The following CELF2 variants were observed in gnomAD, a reference collection of about 807,000 sequenced individuals.
CELF2 encodes the protein CUG triplet repeat RNA-binding protein 2.
A neutral mutation model predicts 62.6 loss-of-function variants in CELF2; 8 were observed. The observed-to-expected ratio is 0.13, with a 90% CI of 0.07 to 0.23. The LOEUF (loss-of-function observed/expected upper bound fraction) is 0.23, where lower values mean the gene tolerates loss of function less well. Ranked by LOEUF, CELF2 falls within the 10% of genes least tolerant of loss-of-function variation. The pLI is 1.00. For synonymous variants in CELF2, 258 were observed against 250.0 expected (o/e 1.03, Z -0.30); for missense variants, 333 against 671.0 (o/e 0.50, Z 5.56).
intron 3 of CELF2, among the ~76,000 whole-genome samples, chr10:11,225,604 G>A (rs575786132): frequency 6.6e-6 from 1 of 152,304 alleles, no homozygotes; most frequent in Admixed American, 6.5e-5. Context: ...CTCTGGTTGA[G>A]AACCAACAGG....
chr10:11,287,168 T>G (rs775122662), intron 8 of CELF2, among the ~76,000 whole-genome samples: 2 of 152,206 alleles, frequency 1.3e-5, no homozygotes, highest in Non-Finnish European at 2.9e-5. Context: ...AGACTGAATT[T>G]GCTCCGTAGA....
intron 1 of CELF2, among the ~76,000 whole-genome samples, chr10:11,027,222 C>T (rs376192265): frequency 9.2e-5 from 14 of 152,296 alleles, no homozygotes; most frequent in South Asian, 8.3e-4. Flanking sequence ...ATTAAGCCAT[C>T]CTTACATTGC....
At chr10:10,741,003 A>C in the CELF2 span, among the ~76,000 whole-genome samples, 1 of 152,330 alleles carries the variant, frequency 6.6e-6, no homozygotes, top group Admixed American at 6.5e-5. Flanking sequence ...CTAGGGATCT[A>C]ATACACAGCA....
chr10:10,689,668 C>T, the CELF2 span, among the ~76,000 whole-genome samples: 3 of 152,140 alleles, frequency 2.0e-5, no homozygotes, highest in Non-Finnish European at 4.4e-5. Context: ...ATTCAAATCA[C>T]ATGAACCAAA....
At chr10:10,864,386 C>A (rs1485032069) in intron 1 of CELF2, among the ~76,000 whole-genome samples, 1 of 152,188 alleles carries the variant, frequency 6.6e-6, no homozygotes, top group Admixed American at 6.5e-5. Context: ...CCACTCTTGA[C>A]TGAGCTCTCT....
At chr10:11,137,142 G>C (rs1227126003) in intron 1 of CELF2, among the ~76,000 whole-genome samples, 1 of 152,176 alleles carries the variant, frequency 6.6e-6, no homozygotes, top group Non-Finnish European at 1.5e-5. Context: ...AATACAATGT[G>C]ATATCAGAAT....
the CELF2 span, among the ~76,000 whole-genome samples, chr10:10,657,384 A>G: frequency 1.6e-5 from 2 of 121,560 alleles, no homozygotes; most frequent in Admixed American, 1.6e-4. Context: ...AAGTATATAT[A>G]TTTAAAAGTA....
the CELF2 span, among the ~76,000 whole-genome samples, chr10:10,689,675 C>A: frequency 6.6e-6 from 1 of 152,104 alleles, no homozygotes; most frequent in Non-Finnish European, 1.5e-5. Context: ...TCACATGAAC[C>A]AAAACAGATT....
chr10:11,270,704 T>G lies in CELF2; in HGVS notation c.657T>G (p.Thr219=). 6.4e-7 allele frequency: 1 copy of G among 1,551,960 alleles called. No individual in the cohort carries two copies. Among genetic ancestry groups the G allele is most frequent in the Non-Finnish European group, 8.7e-7 (1 of 1,145,570 alleles). The change falls in exon 7 of 13, where the codon ACT becomes ACG. Residue 219 remains threonine, a synonymous_variant. Transcript: ENST00000633077. This position sits in a 1 kb window ranked among gnomAD's most constrained non-coding sequence, Gnocchi z 5.8. Reference sequence around the variant, plus strand: ...CTATCGTGGTGAAGTTTGCTGACACTCAGAAGGACAAAGAGCAAAGGCGCC... The same window carrying G: ...CTATCGTGGTGAAGTTTGCTGACACGCAGAAGGACAAAGAGCAAAGGCGCC... The part of the protein sequence containing the change: ...SSPIVVKFAD[T]QKDKEQRRLQ...
Position 11,213,448 on chromosome 10 carries a change from A to G in CELF2, c.272-3977A>G, listed in dbSNP as rs75772553. Among the ~76,000 whole-genome samples, 241 of 152,346 alleles carry G rather than the reference A, an allele frequency of 1.6e-3. 2 individuals are homozygous for G. Among genetic ancestry groups the G allele is most frequent in the African/African-American group, 4.8e-3 (201 of 41,568 alleles). On this transcript the variant is annotated intron_variant, in intron 2 of 12. Transcript: ENST00000633077. ...GCTGTATATTTGGTTAGGGCTGACAAGAAAGAAAATTTCATCCTTGTTGAG... is the reference window on the plus strand; with the variant it reads ...GCTGTATATTTGGTTAGGGCTGACAGGAAAGAAAATTTCATCCTTGTTGAG...
intron 1 of CELF2, among the ~76,000 whole-genome samples, chr10:11,080,102 A>C (rs1013571641): frequency 2.0e-5 from 3 of 152,226 alleles, no homozygotes; most frequent in African/African-American, 7.2e-5. Context: ...ATGCTAGTTC[A>C]AATGCTGATT....
chr10:10,651,626 G>C, the CELF2 span, among the ~76,000 whole-genome samples: 3 of 144,282 alleles, frequency 2.1e-5, no homozygotes, highest in African/African-American at 7.7e-5. Flanking sequence ...CACCTCACAC[G>C]GCAGGGTATT....
At chr10:11,193,288 G>A (rs2056517207) in intron 2 of CELF2, among the ~76,000 whole-genome samples, 1 of 152,170 alleles carries the variant, frequency 6.6e-6, no homozygotes, top group Admixed American at 6.5e-5. Context: ...AATGCAAGAG[G>A]AGAAAGAGTG....
At chr10:11,304,201 T>A (rs2094012241) in intron 9 of CELF2, among the ~76,000 whole-genome samples, 1 of 152,168 alleles carries the variant, frequency 6.6e-6, no homozygotes, top group Admixed American at 6.5e-5. Context: ...TCCATTTCCT[T>A]TCCCGGCTTC....
At chr10:10,824,452 T>C (rs2057223563) in intron 1 of CELF2, among the ~76,000 whole-genome samples, 1 of 152,210 alleles carries the variant, frequency 6.6e-6, no homozygotes, top group African/African-American at 2.4e-5. Flanking sequence ...ACCAAGACTC[T>C]GCAGAGAAAA....
At chr10:10,812,278 C>T (rs1289355700) in intron 1 of CELF2, among the ~76,000 whole-genome samples, 1 of 152,162 alleles carries the variant, frequency 6.6e-6, no homozygotes, top group African/African-American at 2.4e-5. Context: ...ATCAAACCAT[C>T]AGATCTTGTG....
At position 10,988,473 on chromosome 10, in the gene CELF2, A is replaced by G. The variant is rs932722461; in HGVS notation, c.89+68474A>G. On this transcript the variant is annotated intron_variant, in intron 2 of 13. Transcript: ENST00000636488. Reference sequence around the variant, plus strand: ...AGTGGGAGCTAAGCCATGAGGATACAAAGGCATAAGAATGATATAATGGAC... The same window carrying G: ...AGTGGGAGCTAAGCCATGAGGATACGAAGGCATAAGAATGATATAATGGAC... 5.9e-5 allele frequency among the ~76,000 whole-genome samples: 9 copies of G among 152,244 alleles called. No homozygotes were observed. In the South Asian group the frequency reaches 1.9e-3, roughly 32 times the overall value.
the CELF2 span, among the ~76,000 whole-genome samples, chr10:10,523,556 T>A: frequency 6.6e-6 from 1 of 152,192 alleles, no homozygotes; most frequent in Non-Finnish European, 1.5e-5. Context: ...GAAAGACCCC[T>A]TAGACTCTCA....
At chr10:11,007,253 T>C (rs1455228354) in intron 1 of CELF2, among the ~76,000 whole-genome samples, 1 of 152,190 alleles carries the variant, frequency 6.6e-6, no homozygotes, top group Non-Finnish European at 1.5e-5. Flanking sequence ...TTGGATTATA[T>C]TTTGGTTTAA....
Sources: gnomAD v4.1 joint callset for allele counts (sites outside exome capture counted in the v4.1 genomes callset) on GRCh38, gnomAD v4.1.1 for gene constraint, Gnocchi (gnomAD v3.1) non-coding constraint, MANE v1.5 for transcripts, NCBI Gene and HGNC (gene_info 2026-07-23, HGNC 2026-07-21) for gene names.